COL14A1: variants seen among roughly 807,000 people sequenced by gnomAD.
COL14A1 encodes the protein collagen type XIV alpha 1 chain, also known as collagen alpha-1(XIV) chain.
COL14A1 carries 136 observed loss-of-function variants against 230.3 expected under a neutral mutation model. That is an observed-to-expected ratio of 0.59 (90% CI 0.51 to 0.68). The LOEUF (loss-of-function observed/expected upper bound fraction) is 0.68, where lower values mean the gene tolerates loss of function less well. Among genes scored for constraint, COL14A1 ranks in the 30% least tolerant of loss-of-function variants. The probability of loss-of-function intolerance (pLI) is 0.00; values close to 1 mark genes in which losing one functional copy is unlikely to be tolerated. For missense variants in COL14A1, 1,976 were observed against 2,215.8 expected (o/e 0.89, Z 2.17); for synonymous variants, 792 against 784.1 (o/e 1.01, Z -0.17).
chr8:120,270,070 G>A lies in COL14A1; in HGVS notation c.3109G>A (p.Val1037Met). 6.2e-7 allele frequency: 1 copy of A among 1,611,502 alleles called. No homozygotes were observed. The highest frequency in any genetic ancestry group is 8.5e-7 in the Non-Finnish European group (1 of 1,178,332). ...GGCCAAGGCTGACCTGGTATTTATG[G>A]TGGATGGATCCTGGAGCATTGGAGA... is the stretch of plus-strand genomic sequence containing the variant. ...KAAKADLVFMVDGSWSIGDEN... is the reference protein window; with the variant it reads ...KAAKADLVFMMDGSWSIGDEN... Residue 1037 changes from valine (V) to methionine (M), a missense_variant, in exon 26 of 48, where the codon GTG becomes ATG. Physicochemically the swap from Val to Met is conservative, Grantham distance 21. Coordinates refer to ENST00000297848, the MANE Select transcript of COL14A1 (RefSeq NM_021110.4).
rs1358285543 is a variant in COL14A1, at chr8:120,367,224, C to T, written c.5131C>T (p.Pro1711Ser). 3 of 1,613,436 alleles carry T rather than the reference C, an allele frequency of 1.9e-6. No individual in the cohort carries two copies. The highest frequency in any genetic ancestry group is 1.7e-5 in the Admixed American group (1 of 59,940). Residue 1711 changes from proline (P) to serine (S), a missense_variant, in exon 46 of 48, where the codon CCA becomes TCA. Pro to Ser is a moderately conservative substitution (Grantham distance 74, BLOSUM62 -1). Coordinates refer to ENST00000297848, the MANE Select transcript of COL14A1 (RefSeq NM_021110.4). The part of the protein sequence containing the change: ...KGNPGVGTQG[P>S]RGPPGPAGPS... ...AAATCCAGGCGTTGGAACCCAAGGT[C>T]CAAGAGGCCCCCCTGGACCAGCAGG... is the stretch of plus-strand genomic sequence containing the variant.
chr8:120,245,677 G>A (rs2130855901), intron 20 of COL14A1, among the ~76,000 whole-genome samples: 1 of 152,176 alleles, frequency 6.6e-6, no homozygotes, highest in East Asian at 1.9e-4. Context: ...TTCACTTGAG[G>A]GCTGGGCTGG....
intron 5 of COL14A1, among the ~76,000 whole-genome samples, chr8:120,179,100 T>C (rs1252721496): frequency 6.6e-6 from 1 of 152,204 alleles, no homozygotes. Context: ...TTTGTCAATT[T>C]TGGCTTTTGT....
At chr8:120,222,925 G>A (rs1049138019) in intron 14 of COL14A1, among the ~76,000 whole-genome samples, 2 of 152,192 alleles carry the variant, frequency 1.3e-5, no homozygotes, top group Admixed American at 6.5e-5. Flanking sequence ...CAACAAGGCC[G>A]GTGTCAGAGA....
At chr8:120,183,847 C>T (rs983395852) in intron 5 of COL14A1, among the ~76,000 whole-genome samples, 1 of 152,164 alleles carries the variant, frequency 6.6e-6, no homozygotes. Context: ...TTCCTTTCTT[C>T]TTTCCTTCTT....
intron 41 of COL14A1, 117 bp downstream of exon 41, chr8:120,332,311 C>A: frequency 1.1e-6 from 1 of 932,018 alleles, no homozygotes; most frequent in South Asian, 1.5e-5. Context: ...AGTGTGACAA[C>A]TCATCCCTTG....
intron 45 of COL14A1, among the ~76,000 whole-genome samples, chr8:120,351,130 A>C (rs1822751268): frequency 7.0e-6 from 1 of 142,288 alleles, no homozygotes; most frequent in Non-Finnish European, 1.5e-5. Context: ...CCTGCTCCTG[A>C]ATGACTACTG....
intron 19 of COL14A1, among the ~76,000 whole-genome samples, chr8:120,239,030 C>T (rs1818538643): frequency 6.6e-6 from 1 of 152,228 alleles, no homozygotes; most frequent in Non-Finnish European, 1.5e-5. Context: ...CTGGGAGCTG[C>T]AGACCAGAGC....
In COL14A1 at chr8:120,371,171, A is replaced by G; in HGVS notation, c.5331A>G (p.Pro1777=). 6.2e-7 allele frequency: 1 copy of G among 1,611,048 alleles called. No homozygotes were observed. Among genetic ancestry groups the G allele is most frequent in the Non-Finnish European group, 8.5e-7 (1 of 1,178,692 alleles). ...CTTTAGCTCCCCATCCAGATCAGCC[A>G]GAGTTCACCCCTGTCCAAGATGAGC... ...YGVRAPHPDQ[P]EFTPVQDELE... is the part of the protein sequence containing the mutation. Residue 1777 remains proline (P), a synonymous_variant, in exon 48 of 48, where the codon CCA becomes CCG. Coordinates refer to ENST00000297848, the MANE Select transcript of COL14A1 (RefSeq NM_021110.4).
intron 45 of COL14A1, among the ~76,000 whole-genome samples, chr8:120,347,454 C>T (rs531143162): frequency 3.9e-5 from 6 of 152,174 alleles, no homozygotes; most frequent in South Asian, 2.1e-4. Flanking sequence ...TGTGATTTTG[C>T]GATGACTGTT....
At chr8:120,154,294 G>A (rs570002855) in intron 2 of COL14A1, among the ~76,000 whole-genome samples, 31 of 152,280 alleles carry the variant, frequency 2.0e-4, no homozygotes, top group Admixed American at 1.2e-3. Flanking sequence ...ACAGAATTTC[G>A]TAAATGCTTG....
At chr8:120,254,821 CAAAAAAAA>C (rs59681431) in intron 22 of COL14A1, among the ~76,000 whole-genome samples, 2 of 93,682 alleles carry the variant, frequency 2.1e-5, no homozygotes, top group African/African-American at 8.1e-5. Context: ...ACTGCCTCTA[CAAAAAAAA>C]AAAAAAAAAA....
chr8:120,282,540 G>A (rs1820070335), intron 31 of COL14A1, among the ~76,000 whole-genome samples: 1 of 152,050 alleles, frequency 6.6e-6, no homozygotes, highest in Non-Finnish European at 1.5e-5. Flanking sequence ...TTATTGAATG[G>A]ACAAATGAAT....
chr8:120,255,144 C>A (rs1443815149), intron 22 of COL14A1, 96 bp from the exon 23 acceptor site: 2 of 894,566 alleles, frequency 2.2e-6, no homozygotes, highest in Non-Finnish European at 3.7e-6. Context: ...GACTATGCAG[C>A]TTTGAATGAA....
chr8:120,304,200 G>C (rs1396519055), intron 36 of COL14A1, among the ~76,000 whole-genome samples: 1 of 151,958 alleles, frequency 6.6e-6, no homozygotes, highest in Non-Finnish European at 1.5e-5. Context: ...ACTAACTACT[G>C]GATTCGTTGT....
chr8:120,300,745 C>T lies in COL14A1; in HGVS notation c.4328C>T (p.Ser1443Phe). 9 of 1,613,420 alleles carry T rather than the reference C, an allele frequency of 5.6e-6. No homozygotes were observed. Among genetic ancestry groups the T allele is most frequent in the Non-Finnish European group, 7.6e-6 (9 of 1,179,530 alleles). ...GTTTCTTTTCAGAGAGATGATGAGT[C>T]TTGCCCAGACCTTCCCCATTCCTGC... ...CELPGLRDDE[S>F]CPDLPHSCSC... The change falls in exon 36 of 48, where the codon TCT becomes TTT. Residue 1443 changes from serine to phenylalanine, a missense_variant. Coordinates refer to ENST00000297848, the MANE Select transcript of COL14A1 (RefSeq NM_021110.4).
intron 31 of COL14A1, 52 bp downstream of exon 31, chr8:120,281,111 C>T: frequency 1.3e-6 from 2 of 1,524,218 alleles, no homozygotes; most frequent in African/African-American, 1.4e-5. Flanking sequence ...TTATATCTCA[C>T]TGTGAAAATG....
chr8:120,308,720 A>C (rs1490937237), intron 36 of COL14A1, among the ~76,000 whole-genome samples: 2 of 152,226 alleles, frequency 1.3e-5, no homozygotes, highest in Non-Finnish European at 2.9e-5. Context: ...GCATTCTGCT[A>C]ATAGTGTACA....
At chr8:120,170,184 T>C (rs539592425) in intron 5 of COL14A1, among the ~76,000 whole-genome samples, 41 of 147,064 alleles carry the variant, frequency 2.8e-4, no homozygotes, top group African/African-American at 9.2e-4. Context: ...TATCTTTTTG[T>C]GTTTTTATAT....
Sources: allele counts gnomAD v4.1 joint callset (sites outside exome capture counted in the v4.1 genomes callset), GRCh38; gene constraint gnomAD v4.1.1; transcripts MANE v1.5; gene names NCBI Gene and HGNC (gene_info 2026-07-23, HGNC 2026-07-21).